Variants in UQCRB observed in about 807,000 individuals in gnomAD.
The protein encoded by UQCRB is ubiquinol-cytochrome c reductase binding protein.
In UQCRB, 12 loss-of-function variants were observed where a neutral mutation model predicts 19.8. That is an observed-to-expected ratio of 0.61 (90% CI 0.39 to 0.98). The LOEUF (loss-of-function observed/expected upper bound fraction) is 0.98. UQCRB is among the 50% of genes least tolerant of loss of function. The pLI is 0.00. For missense variants in UQCRB, 142 were observed against 131.8 expected (o/e 1.08, Z -0.38); for synonymous variants, 39 against 42.9 (o/e 0.91, Z 0.35).
intron 3 of UQCRB, 100 bp from the exon 4 acceptor site, chr8:96,231,232 A>G (rs1809665150): frequency 6.2e-7 from 1 of 1,609,580 alleles, no homozygotes; most frequent in South Asian, 1.1e-5. Flanking sequence ...TTACTTTTGA[A>G]TTTCCAATTT....
chr8:96,231,918 TATTGTATCATCTCGC>T lies in UQCRB; in HGVS notation c.99_113del (p.Met33_Thr37del), dbSNP rs755471110. ...CTTCTTTTACATCTTCATCCTCGTATATTGTATCATCTCGCATTAACCCTATGATAGATGACAAAG... is the reference window on the plus strand; with the variant it reads ...CTTCTTTTACATCTTCATCCTCGTATATTAACCCTATGATAGATGACAAAG... On this transcript the variant is annotated inframe_deletion, in exon 3 of 4. Coordinates refer to ENST00000287022, the MANE Select transcript of UQCRB (RefSeq NM_006294.5). The T allele has an allele frequency of 1.9e-6, 3 of 1,613,520 alleles. No individual in the cohort carries two copies. Among genetic ancestry groups the T allele is most frequent in the Non-Finnish European group, 2.5e-6 (3 of 1,180,018 alleles).
chr8:96,223,380 C>T lies in UQCRB; in HGVS notation c.*7675G>A, dbSNP rs557982954. ...CACTTGCAAAGTGTGATCTTGTACC[C>T]GTTACCTAACATGTCTGAGCCTCTA... On this transcript the variant is annotated 3_prime_UTR_variant, in exon 4 of 4. Coordinates refer to ENST00000287022, the MANE Select transcript of UQCRB (RefSeq NM_006294.5). 1.6e-4 allele frequency among the ~76,000 whole-genome samples: 25 copies of T among 152,272 alleles called. No individual in the cohort carries two copies. The highest frequency in any genetic ancestry group is 3.9e-4 in the African/African-American group (16 of 41,556).
chr8:96,224,899 C>T lies in UQCRB; in HGVS notation c.*6156G>A, dbSNP rs576606435. On this transcript the variant is annotated 3_prime_UTR_variant, in exon 4 of 4. Coordinates refer to ENST00000287022, the MANE Select transcript of UQCRB (RefSeq NM_006294.5). ...CAGAGGAGAGGACTGAGAGTTTGTACTACATAAAAATCAGAAACTTCCATT... is the reference window on the plus strand; with the variant it reads ...CAGAGGAGAGGACTGAGAGTTTGTATTACATAAAAATCAGAAACTTCCATT... Among the ~76,000 whole-genome samples the T allele has an allele frequency of 6.4e-4, 98 of 152,224 alleles. 2 individuals are homozygous for T. The South Asian group carries it at 0.02, about 32-fold the overall frequency.
intron 1 of UQCRB, chr8:96,234,517 T>C (rs1586156646): frequency 7.8e-7 from 1 of 1,288,156 alleles, no homozygotes; most frequent in Non-Finnish European, 1.0e-6. Flanking sequence ...GTCTTGAATT[T>C]AGTAAGACTC....
In UQCRB at chr8:96,224,200, C is replaced by A. The variant is rs778801530; in HGVS notation, c.*6855G>T. On this transcript the variant is annotated 3_prime_UTR_variant, in exon 4 of 4. Transcript: ENST00000287022. Reference sequence around the variant, plus strand: ...GAATGTCCAATGAAGGGACAATTAACAAACGGCAGGCAAGGTCAAGGAGAA... The same window carrying A: ...GAATGTCCAATGAAGGGACAATTAAAAAACGGCAGGCAAGGTCAAGGAGAA... 6.6e-6 allele frequency among the ~76,000 whole-genome samples: 1 copy of A among 152,138 alleles called. No individual in the cohort carries two copies. The highest frequency in any genetic ancestry group is 1.5e-5 in the Non-Finnish European group (1 of 68,024).
rs1563535557 is a variant in UQCRB, at chr8:96,229,223, A to T, written c.*1832T>A. ...CTCTTACAAAATCAGAGGTTGCCTT[A>T]TGTAATACCACACTTTACCTTGAGC... On this transcript the variant is annotated 3_prime_UTR_variant, in exon 4 of 4. Transcript: ENST00000287022. 2.2e-6 allele frequency: 1 copy of T among 454,126 alleles called. No homozygotes were observed. The highest frequency in any genetic ancestry group is 1.6e-5 in the South Asian group (1 of 64,480). 28.1% of individuals were successfully genotyped at this position (454,126 alleles called of 1,614,324 possible).
chr8:96,223,091 G>A lies in UQCRB; in HGVS notation c.*7964C>T, dbSNP rs1382198141. Among the ~76,000 whole-genome samples the A allele has an allele frequency of 6.6e-6, 1 of 151,536 alleles. No individual in the cohort carries two copies. The highest frequency in any genetic ancestry group is 1.5e-5 in the Non-Finnish European group (1 of 67,970). On this transcript the variant is annotated 3_prime_UTR_variant, in exon 4 of 4. Coordinates refer to ENST00000287022, the MANE Select transcript of UQCRB (RefSeq NM_006294.5). The stretch of plus-strand genomic sequence containing the variant: ...ACACAAACTTGCAATTATACAAGAT[G>A]AACAGGTCTAGAGATTTCATGTACA...
rs191891150 is a variant in UQCRB at position 96,233,129 on chromosome 8, A to C, written c.91+27T>G. ...AACAAAGAAACAACAACAACAACAA[A>C]AAACATTAAACAGCACAGCTGCTTA... On this transcript the variant is annotated intron_variant, in intron 2 of 3. Transcript: ENST00000287022. 1.5e-4 allele frequency: 243 copies of C among 1,606,540 alleles called. No homozygotes were observed. In the African/African-American group the frequency reaches 2.5e-3, roughly 16 times the overall value.
rs761949833 is a variant in UQCRB at position 96,235,507 on chromosome 8, C to CT, written c.19+4dup. The stretch of plus-strand genomic sequence containing the variant: ...TGCCGGCCAAGAAGACCCCCAGTTA[C>CT]TTACCGGCCTGCTTACCAGCCATTT... On this transcript the variant is annotated splice_donor_region_variant and intron_variant, in intron 1 of 3. Coordinates refer to ENST00000287022, the MANE Select transcript of UQCRB (RefSeq NM_006294.5). 2.0e-5 allele frequency: 33 copies of CT among 1,614,120 alleles called. No individual in the cohort carries two copies. The highest frequency in any genetic ancestry group is 2.5e-5 in the Non-Finnish European group (30 of 1,180,052).
chr8:96,229,786 G>A lies in UQCRB; in HGVS notation c.*1269C>T, dbSNP rs568459320. 2.0e-5 allele frequency: 9 copies of A among 453,670 alleles called. No homozygotes were observed. Among genetic ancestry groups the A allele is most frequent in the Admixed American group, 7.1e-5 (3 of 42,534 alleles). 28.1% of individuals were successfully genotyped at this position (453,670 alleles called of 1,614,324 possible). A position where few individuals can be genotyped will look rare whatever the true frequency, so the allele number is the denominator to read the frequency against. On this transcript the variant is annotated 3_prime_UTR_variant, in exon 4 of 4. Transcript: ENST00000287022. ...GAAAGGAAAAAAAAAAGCGGGGGAG[G>A]GGGTTCCTAGAGAATTTAAGAGGCT...
At position 96,231,127 on chromosome 8, in the gene UQCRB, A is replaced by C. The variant is rs1809661581; in HGVS notation, c.264T>G (p.Asn88Lys). ...CTTTCAGATACGGTTCAAGGTAGAAATTTTCCTAAAGAATGAATGAAATAT... is the reference window on the plus strand; with the variant it reads ...CTTTCAGATACGGTTCAAGGTAGAACTTTTCCTAAAGAATGAATGAAATAT... ...KEQWTKYEEENFYLEPYLKEV... is the reference protein window; with the variant it reads ...KEQWTKYEEEKFYLEPYLKEV... The change falls in exon 4 of 4, where the codon AAT becomes AAG. Residue 88 changes from asparagine (N) to lysine (K), a missense_variant. Coordinates refer to ENST00000287022, the MANE Select transcript of UQCRB (RefSeq NM_006294.5). 3.1e-6 allele frequency: 5 copies of C among 1,614,094 alleles called. No individual in the cohort carries two copies. Among genetic ancestry groups the C allele is most frequent in the Non-Finnish European group, 3.4e-6 (4 of 1,180,000 alleles).
In UQCRB at chr8:96,229,980, A is replaced by C; in HGVS notation, c.*1075T>G. 2.2e-6 allele frequency: 1 copy of C among 454,164 alleles called. No homozygotes were observed. The highest frequency in any genetic ancestry group is 1.6e-5 in the South Asian group (1 of 64,484). The allele number at this position is 454,164 out of a possible 1,614,324, so 28.1% of individuals were successfully genotyped here. Reference sequence around the variant, plus strand: ...TGTCCTGGAAAACCAGGGAGGCTGCAGGTCCTACTGTTCCTTCTCTACTAG... The same window carrying C: ...TGTCCTGGAAAACCAGGGAGGCTGCCGGTCCTACTGTTCCTTCTCTACTAG... On this transcript the variant is annotated 3_prime_UTR_variant, in exon 4 of 4. Coordinates refer to ENST00000287022, the MANE Select transcript of UQCRB (RefSeq NM_006294.5).
chr8:96,230,457 A>G lies in UQCRB; in HGVS notation c.*598T>C, dbSNP rs189111788. ...GACTAGTATCCAACCCTTAAACTTC[A>G]TAACAATCATTTCCAAAGTGGAAAA... On this transcript the variant is annotated 3_prime_UTR_variant, in exon 4 of 4. Transcript: ENST00000287022. 3.6e-4 allele frequency: 162 copies of G among 454,094 alleles called. 1 individual carries two copies. The highest frequency in any genetic ancestry group is 3.5e-3 in the Middle Eastern group (5 of 1,444). 28.1% of individuals were successfully genotyped at this position (454,094 alleles called of 1,614,324 possible).
rs13253635 is a variant in UQCRB at position 96,228,619 on chromosome 8, A to G, written c.*2436T>C. The G allele has an allele frequency of 0.45, 202,062 of 453,886 alleles. 46,551 individuals carry two copies. The highest frequency in any genetic ancestry group is 0.49 in the African/African-American group (24,679 of 50,030). The allele number at this position is 453,886 out of a possible 1,614,324, so 28.1% of individuals were successfully genotyped here. A position where few individuals can be genotyped will look rare whatever the true frequency, so the allele number is the denominator to read the frequency against. On this transcript the variant is annotated 3_prime_UTR_variant, in exon 4 of 4. Transcript: ENST00000287022. ...ACATAATTTACATTATGCATACTAT[A>G]TGCCAGAAACTGTTAGTGCTTGACA...
In UQCRB at chr8:96,230,169, G is replaced by C; in HGVS notation, c.*886C>G. The stretch of plus-strand genomic sequence containing the variant: ...AGGCTCACTGCAACCTCCACCTCCT[G>C]GGGTCAAGCAATTCTCCTCCCTCAG... On this transcript the variant is annotated 3_prime_UTR_variant, in exon 4 of 4. Coordinates refer to ENST00000287022, the MANE Select transcript of UQCRB (RefSeq NM_006294.5). 2.2e-6 allele frequency: 1 copy of C among 453,042 alleles called. No homozygotes were observed. Among genetic ancestry groups the C allele is most frequent in the South Asian group, 1.6e-5 (1 of 64,466 alleles). 28.1% of individuals were successfully genotyped at this position (453,042 alleles called of 1,614,324 possible).
intron 1 of UQCRB, chr8:96,235,206 C>A: frequency 1.8e-6 from 1 of 550,756 alleles, no homozygotes; most frequent in Admixed American, 3.1e-5. Flanking sequence ...CTCTTGTGCC[C>A]TTTAACTTTT....
chr8:96,229,257 A>G lies in UQCRB; in HGVS notation c.*1798T>C, dbSNP rs1461520837. ...CACACTTTACCTTGAGCAGGTGGATAGCCTGGGGGTTCCTGTTATACCTCA... is the reference window on the plus strand; with the variant it reads ...CACACTTTACCTTGAGCAGGTGGATGGCCTGGGGGTTCCTGTTATACCTCA... On this transcript the variant is annotated 3_prime_UTR_variant, in exon 4 of 4. Transcript: ENST00000287022. The G allele has an allele frequency of 2.2e-6, 1 of 454,136 alleles. No individual in the cohort carries two copies. Among genetic ancestry groups the G allele is most frequent in the Non-Finnish European group, 4.4e-6 (1 of 226,800 alleles). 28.1% of individuals were successfully genotyped at this position (454,136 alleles called of 1,614,324 possible).
At chr8:96,233,771 T>C (rs1031335017) in intron 1 of UQCRB, 1 of 153,300 alleles carries the variant, frequency 6.5e-6, no homozygotes, top group Non-Finnish European at 1.5e-5. Context: ...TACTCGATAT[T>C]ACAGTTATTT....
chr8:96,235,224 C>T, intron 1 of UQCRB: 1 of 578,130 alleles, frequency 1.7e-6, no homozygotes, highest in Non-Finnish European at 3.1e-6. Context: ...TTTCTAAGGC[C>T]AAGGGGAAGG....
Sources: allele counts gnomAD v4.1 joint callset (sites outside exome capture counted in the v4.1 genomes callset), GRCh38; gene constraint gnomAD v4.1.1; transcripts MANE v1.5; gene names NCBI Gene and HGNC (gene_info 2026-07-23, HGNC 2026-07-21).